GPR37: variants seen among roughly 807,000 people sequenced by gnomAD.
The protein encoded by GPR37 is prosaposin receptor GPR37.
Under a neutral mutation model 43.6 loss-of-function variants are expected in GPR37, and 20 were observed. That is an observed-to-expected ratio of 0.46 (90% confidence interval 0.32 to 0.67). The LOEUF (loss-of-function observed/expected upper bound fraction) is 0.67, where lower values mean the gene tolerates loss of function less well. Among genes scored for constraint, GPR37 ranks in the 30% least tolerant of loss-of-function variants. The pLI is 0.03. For synonymous variants in GPR37, 315 were observed against 322.6 expected, an observed-to-expected ratio of 0.98 and a Z score of 0.25; for missense variants, 724 against 797.2, an observed-to-expected ratio of 0.91 and a Z score of 1.11.
rs968435928 is a variant in GPR37 at position 124,745,614 on chromosome 7, G to A, written c.*911C>T. On this transcript the variant is annotated 3_prime_UTR_variant, in exon 2 of 2. Coordinates refer to ENST00000303921, the MANE Select transcript of GPR37 (RefSeq NM_005302.5). The stretch of plus-strand genomic sequence containing the variant: ...AAAATTAGAACTCAGAGTGCTTTAC[G>A]TAGGATTCACAAAGCTTCAAAGGTC... Among the ~76,000 whole-genome samples the A allele has an allele frequency of 1.1e-4, 16 of 152,216 alleles. No individual in the cohort carries two copies. In the East Asian group the frequency reaches 2.7e-3, roughly 26 times the overall value.
At position 124,764,549 on chromosome 7, in the gene GPR37, T is replaced by A; in HGVS notation, c.428A>T (p.Gln143Leu). 1.2e-6 allele frequency: 2 copies of A among 1,613,482 alleles called. No homozygotes were observed. The highest frequency in any genetic ancestry group is 2.2e-5 in the South Asian group (2 of 91,082). ...TLGRGNPTAL[Q>L]LFLQISEEEE... ...CTCCTCTGAGATCTGAAGGAAGAGC[T>A]GGAGGGCCGTGGGGTTCCCTCTCCC... The change falls in exon 1 of 2, where the codon CAG becomes CTG. Residue 143 changes from glutamine to leucine, a missense_variant. By Grantham distance (113) the Gln-to-Leu change is moderately radical. Coordinates refer to ENST00000303921, the MANE Select transcript of GPR37 (RefSeq NM_005302.5). This position sits in a 1 kb window ranked among gnomAD's most constrained non-coding sequence, Gnocchi z 5.4.
chr7:124,760,704 T>A (rs964991084), intron 1 of GPR37, among the ~76,000 whole-genome samples: 3 of 152,192 alleles, frequency 2.0e-5, no homozygotes, highest in Admixed American at 6.5e-5. Context: ...TACAGGTTGG[T>A]CTAATCAGCA....
chr7:124,746,943 G>A lies in GPR37; in HGVS notation c.1424C>T (p.Ala475Val), dbSNP rs754611966. The A allele has an allele frequency of 6.2e-7, 1 of 1,613,930 alleles. No homozygotes were observed. The highest frequency in any genetic ancestry group is 1.3e-5 in the African/African-American group (1 of 74,912). The change falls in exon 2 of 2, where the codon GCC becomes GTC. Residue 475 changes from alanine to valine, a missense_variant. Transcript: ENST00000303921. ...TARKIRKAEKACTRGNKRQIQ... is the reference protein window; with the variant it reads ...TARKIRKAEKVCTRGNKRQIQ... ...CTGCCGTTTATTCCCTCGGGTACAG[G>A]CTTTCTCTGCTTTGCGGATTTTCCT...
chr7:124,765,013 G>A lies in GPR37; in HGVS notation c.-37C>T, dbSNP rs1310979556. The A allele has an allele frequency of 7.0e-7, 1 of 1,427,906 alleles. No individual in the cohort carries two copies. The highest frequency in any genetic ancestry group is 1.5e-5 in the South Asian group (1 of 67,848). The allele number at this position is 1,427,906 out of a possible 1,614,324, so 88.5% of individuals were successfully genotyped here. A position where few individuals can be genotyped will look rare whatever the true frequency, so the allele number is the denominator to read the frequency against. ...GGCACACCCGGCAGCCGCAGCTCCT[G>A]CTTAGTTAGGATCGACACCTGCTGC... On this transcript the variant is annotated 5_prime_UTR_variant, in exon 1 of 2. Coordinates refer to ENST00000303921, the MANE Select transcript of GPR37 (RefSeq NM_005302.5).
intron 1 of GPR37, among the ~76,000 whole-genome samples, chr7:124,755,760 C>G (rs993577092): frequency 1.3e-5 from 2 of 152,024 alleles, no homozygotes; most frequent in Admixed American, 6.6e-5. Flanking sequence ...TGTAATATTT[C>G]CCCCAAGCCC....
Position 124,744,366 on chromosome 7 carries a change from A to G in GPR37, c.*2159T>C, listed in dbSNP as rs1793644962. The G allele has an allele frequency of 6.6e-6, 1 of 152,170 alleles. No individual in the cohort carries two copies. Among genetic ancestry groups the G allele is most frequent in the Admixed American group, 6.6e-5 (1 of 15,256 alleles). The allele number at this position is 152,170 out of a possible 1,614,324, so 9.4% of individuals were successfully genotyped here. On this transcript the variant is annotated 3_prime_UTR_variant, in exon 2 of 2. Transcript: ENST00000303921. ...ACATCTTTCAAAACATGGTCCTATT[A>G]TTAGATGGCCTTGGTGCATATTTTC...
intron 1 of GPR37, among the ~76,000 whole-genome samples, chr7:124,759,841 TAGAA>T (rs1317693097): frequency 2.0e-5 from 3 of 152,146 alleles, no homozygotes; most frequent in African/African-American, 7.2e-5. Context: ...CAAATTAAAA[TAGAA>T]AGAGGAGTTG....
Position 124,749,816 on chromosome 7 carries a change from C to T in GPR37, c.1024-2473G>A, listed in dbSNP as rs117301804. Among the ~76,000 whole-genome samples, 50 of 152,102 alleles carry T rather than the reference C, an allele frequency of 3.3e-4. No homozygotes were observed. In the East Asian group the frequency reaches 7.9e-3, roughly 24 times the overall value. ...TCTAGTCAGTGCAGATAAAGAGGCA[C>T]AATTGGGCTGATAACCACAATTCTT... is the stretch of plus-strand genomic sequence containing the variant. On this transcript the variant is annotated intron_variant, in intron 1 of 1. Transcript: ENST00000303921.
At chr7:124,761,154 C>CAAAAAAAAAAAAAAAAAAAAAAAAAAAA (rs60967099) in intron 1 of GPR37, among the ~76,000 whole-genome samples, 2 of 77,456 alleles carry the variant, frequency 2.6e-5, no homozygotes, top group African/African-American at 5.3e-5. Context: ...GACTCCGTCT[C>CAAAAAAAAAAAAAAAAAAAAAAAAAAAA]AAAAAAAAAA....
intron 1 of GPR37, among the ~76,000 whole-genome samples, chr7:124,747,864 C>T (rs1793691272): frequency 1.3e-5 from 2 of 152,012 alleles, no homozygotes; most frequent in Admixed American, 6.6e-5. Flanking sequence ...TCCAATTTTT[C>T]CTAAATGCAA....
intron 1 of GPR37, among the ~76,000 whole-genome samples, chr7:124,755,453 A>G (rs1793781432): frequency 6.6e-6 from 1 of 152,060 alleles, no homozygotes; most frequent in Non-Finnish European, 1.5e-5. Flanking sequence ...AAATCAACAT[A>G]TTCTCCCAAA....
chr7:124,750,423 T>C (rs1376105179), intron 1 of GPR37, among the ~76,000 whole-genome samples: 1 of 152,148 alleles, frequency 6.6e-6, no homozygotes, highest in Non-Finnish European at 1.5e-5. Flanking sequence ...ATAGGATTTC[T>C]ATTAAAAGGA....
rs1197189425 is a variant in GPR37 at position 124,744,176 on chromosome 7, CTCTTA to C, written c.*2344_*2348del. 1.3e-5 allele frequency: 2 copies of C among 152,128 alleles called. No homozygotes were observed. The highest frequency in any genetic ancestry group is 2.9e-5 in the Non-Finnish European group (2 of 68,006). 9.4% of individuals were successfully genotyped at this position (152,128 alleles called of 1,614,324 possible). A position where few individuals can be genotyped will look rare whatever the true frequency, so the allele number is the denominator to read the frequency against. On this transcript the variant is annotated 3_prime_UTR_variant, in exon 2 of 2. Transcript: ENST00000303921. ...CCTGCTGCCTCCATTGTGGTTCAAT[CTCTTA>C]TAATAGCTTCCTAGTTGCTTTTTCA...
At chr7:124,755,861 G>T (rs887404197) in intron 1 of GPR37, among the ~76,000 whole-genome samples, 1 of 152,144 alleles carries the variant, frequency 6.6e-6, no homozygotes, top group Admixed American at 6.6e-5. Flanking sequence ...TTGGGGTTCT[G>T]ATGAGTTTCC....
intron 1 of GPR37, among the ~76,000 whole-genome samples, chr7:124,761,301 AG>A (rs1793848250): frequency 1.3e-5 from 2 of 152,110 alleles, no homozygotes; most frequent in South Asian, 4.1e-4. Flanking sequence ...ATCCCTCTCT[AG>A]GAATTGCCCT....
chr7:124,746,353 C>CT lies in GPR37; in HGVS notation c.*171dup. 2.1e-6 allele frequency: 1 copy of CT among 473,346 alleles called. No individual in the cohort carries two copies. 29.3% of individuals were successfully genotyped at this position (473,346 alleles called of 1,614,324 possible). ...TTCTTCTTAAATAACTAAATAGAAA[C>CT]TTTTTTTCAAAGCACAAATATTAAT... is the stretch of plus-strand genomic sequence containing the variant. On this transcript the variant is annotated 3_prime_UTR_variant, in exon 2 of 2. Transcript: ENST00000303921.
At chr7:124,751,945 G>A (rs558227065) in intron 1 of GPR37, among the ~76,000 whole-genome samples, 8 of 152,140 alleles carry the variant, frequency 5.3e-5, no homozygotes, top group South Asian at 4.1e-4. Context: ...CAAGATCAGC[G>A]GGAAAATAGA....
rs558423198 is a variant in GPR37, at chr7:124,754,602, T to C, written c.1024-7259A>G. 3.3e-5 allele frequency among the ~76,000 whole-genome samples: 5 copies of C among 152,230 alleles called. No individual in the cohort carries two copies. The East Asian group carries it at 5.8e-4, about 18-fold the overall frequency. Reference sequence around the variant, plus strand: ...CTAGAATACACTGGTTTTTATAAAATAGGAAAATTTCTAACCAAGTTCTTG... The same window carrying C: ...CTAGAATACACTGGTTTTTATAAAACAGGAAAATTTCTAACCAAGTTCTTG... On this transcript the variant is annotated intron_variant, in intron 1 of 1. Coordinates refer to ENST00000303921, the MANE Select transcript of GPR37 (RefSeq NM_005302.5).
At position 124,764,425 on chromosome 7, in the gene GPR37, C is replaced by T; in HGVS notation, c.552G>A (p.Arg184=). ...GGGAACCCTGGAGTTTCCCGGCTCT[C>T]CTTGGCCAGTAAAAAAGATCGCTGG... ...PGASDLFYWP[R]RAGKLQGSHH... The change falls in exon 1 of 2, where the codon AGG becomes AGA. Residue 184 remains arginine, a synonymous_variant. Coordinates refer to ENST00000303921, the MANE Select transcript of GPR37 (RefSeq NM_005302.5). The surrounding 1 kb of genome is among the most constrained non-coding windows in gnomAD (Gnocchi z 5.4). 1 of 1,613,660 alleles carries T rather than the reference C, an allele frequency of 6.2e-7. No individual in the cohort carries two copies. The highest frequency in any genetic ancestry group is 1.1e-5 in the South Asian group (1 of 91,086).
Sources: gnomAD v4.1 joint callset for allele counts (sites outside exome capture counted in the v4.1 genomes callset) on GRCh38, gnomAD v4.1.1 for gene constraint, Gnocchi (gnomAD v3.1) non-coding constraint, MANE v1.5 for transcripts, NCBI Gene and HGNC (gene_info 2026-07-23, HGNC 2026-07-21) for gene names.